VAV1: variants seen among roughly 807,000 people sequenced by gnomAD.
The protein encoded by VAV1 is proto-oncogene vav.
In VAV1, 33 loss-of-function variants were observed where a neutral mutation model predicts 128.1. The ratio of observed to expected loss-of-function variants is 0.26; its 90% CI spans 0.20 to 0.34. The LOEUF is 0.34. Among genes scored for constraint, VAV1 ranks in the 10% least tolerant of loss-of-function variants. The pLI is 1.00. For synonymous variants in VAV1, 394 were observed against 409.8 expected (o/e 0.96, Z 0.47); for missense variants, 715 against 1,093.7 (o/e 0.65, Z 4.88).
In VAV1 at chr19:6,836,497, C is replaced by T. The variant is rs1444964059; in HGVS notation, c.1843C>T (p.Pro615Ser). 6.2e-7 allele frequency: 1 copy of T among 1,613,948 alleles called. No individual in the cohort carries two copies. The highest frequency in any genetic ancestry group is 8.5e-7 in the Non-Finnish European group (1 of 1,180,034). The change falls in exon 20 of 27, where the codon CCC (proline) becomes TCC (serine). Residue 615 changes from proline to serine, a missense_variant. Transcript: ENST00000602142. The stretch of plus-strand genomic sequence containing the variant: ...TCCTCCACCCCCTGGAGCCATTGGA[C>T]CCTTTCTACGGCTCAACCCTGGAGA... The part of the protein sequence containing the change: ...GLPPPPGAIG[P>S]FLRLNPGDIV...
intron 1 of VAV1, among the ~76,000 whole-genome samples, chr19:6,813,599 A>G (rs1971558295): frequency 1.3e-5 from 2 of 151,924 alleles, no homozygotes; most frequent in Non-Finnish European, 2.9e-5. Context: ...CATACCCTTT[A>G]TTTTCCCTCT....
chr19:6,845,516 C>G (rs1972499571), intron 22 of VAV1, among the ~76,000 whole-genome samples: 1 of 151,750 alleles, frequency 6.6e-6, no homozygotes, highest in Non-Finnish European at 1.5e-5. Context: ...TACATATTAA[C>G]ATTTACATGA....
At chr19:6,819,985 C>T (rs1426106489) in intron 1 of VAV1, among the ~76,000 whole-genome samples, 2 of 152,096 alleles carry the variant, frequency 1.3e-5, no homozygotes, top group South Asian at 2.1e-4. Flanking sequence ...TCTAAAGTAA[C>T]TTAAACAAGA....
chr19:6,789,714 T>C (rs149410289), intron 1 of VAV1, among the ~76,000 whole-genome samples: 4,262 of 152,202 alleles, frequency 0.028, 192 homozygotes, highest in African/African-American at 0.097. Context: ...TCTCCTGCCT[T>C]GGCCTCCAGA....
intron 22 of VAV1, 53 bp downstream of exon 22, chr19:6,843,219 C>A: frequency 6.2e-7 from 1 of 1,605,424 alleles, no homozygotes; most frequent in Non-Finnish European, 8.5e-7. Context: ...GGTTGGGGTT[C>A]CAGGCTGGGT....
At chr19:6,815,081 G>T (rs1044728427) in intron 1 of VAV1, among the ~76,000 whole-genome samples, 3 of 152,050 alleles carry the variant, frequency 2.0e-5, no homozygotes, top group Non-Finnish European at 4.4e-5. Context: ...GCGAGCAACA[G>T]AATCTACCTA....
chr19:6,784,953 T>C (rs1438461854), intron 1 of VAV1, among the ~76,000 whole-genome samples: 1 of 152,128 alleles, frequency 6.6e-6, no homozygotes, highest in African/African-American at 2.4e-5. Context: ...AAATCCTCAC[T>C]GTAGCCCACA....
intron 23 of VAV1, among the ~76,000 whole-genome samples, chr19:6,848,569 A>C (rs1972584630): frequency 6.6e-6 from 1 of 150,946 alleles, no homozygotes; most frequent in African/African-American, 2.4e-5. Flanking sequence ...TGCCCAGCTA[A>C]TTTTTGTATT....
At chr19:6,803,657 C>T (rs1392036158) in intron 1 of VAV1, among the ~76,000 whole-genome samples, 1 of 151,866 alleles carries the variant, frequency 6.6e-6, no homozygotes, top group Admixed American at 6.6e-5. Context: ...CTCTGCTTCC[C>T]AGGTCCAAGC....
In VAV1 at chr19:6,822,345, G is replaced by A. The variant is rs773405937; in HGVS notation, c.558+16G>A. 6.4e-7 allele frequency: 1 copy of A among 1,563,922 alleles called. No individual in the cohort carries two copies. The highest frequency in any genetic ancestry group is 8.7e-7 in the Non-Finnish European group (1 of 1,154,856). On this transcript the variant is annotated intron_variant, in intron 5 of 26. Coordinates refer to ENST00000602142, the MANE Select transcript of VAV1 (RefSeq NM_005428.4). This position sits in a 1 kb window ranked among gnomAD's most constrained non-coding sequence, Gnocchi z 5.9. Reference sequence around the variant, plus strand: ...GTCCATGCCGGTGCGTGACGTGGAGGGTCGGGCCTGGGGAGGGCGTGGGCG... The same window carrying A: ...GTCCATGCCGGTGCGTGACGTGGAGAGTCGGGCCTGGGGAGGGCGTGGGCG...
chr19:6,820,574 A>G lies in VAV1; in HGVS notation c.205-128A>G, dbSNP rs1487864500. On this transcript the variant is annotated intron_variant, in intron 1 of 26. Coordinates refer to ENST00000602142, the MANE Select transcript of VAV1 (RefSeq NM_005428.4). The surrounding 1 kb of genome is among the most constrained non-coding windows in gnomAD (Gnocchi z 4.4). ...CTTAATCTTTACCAGAAGATAATTC[A>G]ATTTCATGGAAGAGGGTCTGTGCTT... The G allele has an allele frequency of 4.3e-6, 3 of 695,496 alleles. No homozygotes were observed. The highest frequency in any genetic ancestry group is 7.7e-6 in the Non-Finnish European group (3 of 390,172). The allele number at this position is 695,496 out of a possible 1,614,324, so 43.1% of individuals were successfully genotyped here. A position where few individuals can be genotyped will look rare whatever the true frequency, so the allele number is the denominator to read the frequency against.
intron 26 of VAV1, among the ~76,000 whole-genome samples, chr19:6,854,979 G>A (rs1392685131): frequency 1.3e-5 from 2 of 152,178 alleles, no homozygotes; most frequent in Non-Finnish European, 2.9e-5. Context: ...GGTAGAGCTG[G>A]GACTAAACCA....
chr19:6,853,300 C>T (rs1029942566), intron 25 of VAV1, among the ~76,000 whole-genome samples: 4 of 151,332 alleles, frequency 2.6e-5, no homozygotes, highest in Non-Finnish European at 5.9e-5. Context: ...GAGTCTCACT[C>T]TGTTGCCTAA....
intron 1 of VAV1, among the ~76,000 whole-genome samples, chr19:6,808,610 C>G (rs1410024868): frequency 6.6e-6 from 1 of 152,192 alleles, no homozygotes; most frequent in East Asian, 1.9e-4. Flanking sequence ...TCCAAGAATA[C>G]TCATCACCAT....
chr19:6,822,860 AAAAATATAAACATATAATATGTAT>A lies in VAV1; in HGVS notation c.654+360_654+383del. 6.8e-6 allele frequency among the ~76,000 whole-genome samples: 1 copy of A among 147,442 alleles called. No homozygotes were observed. Among genetic ancestry groups the A allele is most frequent in the Non-Finnish European group, 1.5e-5 (1 of 66,876 alleles). On this transcript the variant is annotated intron_variant, in intron 6 of 26. Coordinates refer to ENST00000602142, the MANE Select transcript of VAV1 (RefSeq NM_005428.4). This position sits in a 1 kb window ranked among gnomAD's most constrained non-coding sequence, Gnocchi z 5.9. ...ATATAAATATATACAAAGTATATATAAAAATATAAACATATAATATGTATAAAATATAAACATGATATATGATAT... is the reference window on the plus strand; with the variant it reads ...ATATAAATATATACAAAGTATATATAAAAATATAAACATGATATATGATAT...
At chr19:6,833,485 G>A in intron 16 of VAV1, 43 bp from the exon 17 acceptor site, 1 of 1,545,808 alleles carries the variant, frequency 6.5e-7, no homozygotes, top group South Asian at 1.2e-5. Flanking sequence ...GGCCCTGTCT[G>A]TAAAGGTCAC....
intron 19 of VAV1, 129 bp from the exon 20 acceptor site, chr19:6,836,303 T>A: frequency 8.1e-7 from 1 of 1,228,896 alleles, no homozygotes. Flanking sequence ...TTCCAGTTTC[T>A]CCACGTCCTT....
chr19:6,813,811 T>G (rs528232253), intron 1 of VAV1, among the ~76,000 whole-genome samples: 2 of 152,188 alleles, frequency 1.3e-5, no homozygotes, highest in African/African-American at 2.4e-5. Flanking sequence ...CTCAGCACTT[T>G]GAGAGCCTGT....
chr19:6,829,730 G>A, intron 13 of VAV1, 56 bp from the exon 14 acceptor site: 2 of 1,605,556 alleles, frequency 1.2e-6, no homozygotes, highest in Non-Finnish European at 1.7e-6. Flanking sequence ...CTGGTCAGAG[G>A]GCTGATGGGG....
Sources: allele counts gnomAD v4.1 joint callset (sites outside exome capture counted in the v4.1 genomes callset), GRCh38; gene constraint gnomAD v4.1.1; non-coding constraint Gnocchi (gnomAD v3.1); transcripts MANE v1.5; gene names NCBI Gene and HGNC (gene_info 2026-07-23, HGNC 2026-07-21).